Variants in JPH3 observed in about 807,000 individuals in gnomAD.
JPH3 encodes the protein junctophilin 3.
JPH3 carries 11 observed loss-of-function variants against 59.6 expected under a neutral mutation model. The ratio of observed to expected loss-of-function variants is 0.18; its 90% confidence interval spans 0.12 to 0.31. The LOEUF is 0.31. JPH3 is among the 10% of genes least tolerant of loss of function. JPH3 has a pLI of 1.00. For missense variants in JPH3, 1,202 were observed against 1,105.7 expected, an observed-to-expected ratio of 1.09 and a Z score of -1.24; for synonymous variants, 673 against 483.6, an observed-to-expected ratio of 1.39 and a Z score of -5.14.
intron 4 of JPH3, chr16:87,693,734 T>A (rs77525885): frequency 0.14 from 20,947 of 152,332 alleles, 1,626 homozygotes; most frequent in Middle Eastern, 0.21. Flanking sequence ...CAGTGTGAGG[T>A]GAGGCGCTCG....
chr16:87,656,994 GC>G (rs1276059616), intron 2 of JPH3, among the ~76,000 whole-genome samples: 5 of 151,956 alleles, frequency 3.3e-5, no homozygotes, highest in Non-Finnish European at 7.4e-5. Flanking sequence ...TCAGATTAGG[GC>G]CCCACCCATA....
At chr16:87,637,000 G>A (rs560237568) in intron 1 of JPH3, among the ~76,000 whole-genome samples, 1 of 152,336 alleles carries the variant, frequency 6.6e-6, no homozygotes, top group East Asian at 1.9e-4. Context: ...AGCATGACGG[G>A]GGTCAGGCCT....
At chr16:87,648,430 C>T (rs1045877618) in intron 2 of JPH3, among the ~76,000 whole-genome samples, 2 of 152,064 alleles carry the variant, frequency 1.3e-5, no homozygotes, top group East Asian at 1.9e-4. Context: ...TCGAGAGATG[C>T]GAGGGAGTTG....
chr16:87,658,844 G>T (rs2032599070), intron 2 of JPH3, among the ~76,000 whole-genome samples: 1 of 152,218 alleles, frequency 6.6e-6, no homozygotes, highest in Admixed American at 6.5e-5. Flanking sequence ...GGCAGGGGTG[G>T]GTGGCCCCCC....
At chr16:87,690,970 C>A (rs2033554898) in intron 4 of JPH3, among the ~76,000 whole-genome samples, 1 of 152,062 alleles carries the variant, frequency 6.6e-6, no homozygotes, top group Non-Finnish European at 1.5e-5. Flanking sequence ...GGAGTCAGGT[C>A]TGGGGTTGGG....
chr16:87,690,921 G>C (rs976860635), intron 4 of JPH3, among the ~76,000 whole-genome samples: 2 of 152,242 alleles, frequency 1.3e-5, no homozygotes, highest in African/African-American at 4.8e-5. Flanking sequence ...TAGGAACCCA[G>C]AGGCGAAACA....
intron 1 of JPH3, chr16:87,605,006 G>A: frequency 2.2e-6 from 1 of 444,996 alleles, no homozygotes; most frequent in South Asian, 1.6e-5. Flanking sequence ...CGCGCGTGCA[G>A]GCACAGGGAG....
intron 1 of JPH3, among the ~76,000 whole-genome samples, chr16:87,617,735 G>GTGC (rs1567583880): frequency 2.0e-5 from 3 of 152,116 alleles, no homozygotes; most frequent in Non-Finnish European, 4.4e-5. Context: ...GCAGGTGCAG[G>GTGC]AGCTGAGAGT....
In JPH3 at chr16:87,622,736, A is replaced by C. The variant is rs932990245; in HGVS notation, c.382+19208A>C. Among the ~76,000 whole-genome samples the C allele has an allele frequency of 1.3e-4, 15 of 113,488 alleles. No individual in the cohort carries two copies. The East Asian group carries it at 3.7e-3, about 28-fold the overall frequency. 74.5% of individuals were successfully genotyped at this position (113,488 alleles called of 152,430 possible). A position where few individuals can be genotyped will look rare whatever the true frequency, so the allele number is the denominator to read the frequency against. ...GGTCAGGGTCTCCTCCTGATAAATC[A>C]GACCCCCCCCCGCCCCACCCTGCCG... On this transcript the variant is annotated intron_variant, in intron 1 of 4. Coordinates refer to ENST00000284262, the MANE Select transcript of JPH3 (RefSeq NM_020655.4).
At chr16:87,604,457 A>C in intron 1 of JPH3, 1 of 1,374,882 alleles carries the variant, frequency 7.3e-7, no homozygotes, top group Non-Finnish European at 9.6e-7. Flanking sequence ...GCCAGACCCC[A>C]AACAAACTGG....
At chr16:87,661,849 G>A (rs2032714197) in intron 2 of JPH3, among the ~76,000 whole-genome samples, 1 of 152,210 alleles carries the variant, frequency 6.6e-6, no homozygotes, top group Non-Finnish European at 1.5e-5. Context: ...CAATTACGAA[G>A]CCAGGGCCTT....
At chr16:87,630,131 G>A (rs1205741002) in intron 1 of JPH3, among the ~76,000 whole-genome samples, 1 of 152,186 alleles carries the variant, frequency 6.6e-6, no homozygotes. Flanking sequence ...TGTCCCCACA[G>A]CACAGATTGG....
Position 87,690,114 on chromosome 16 carries a change from C to G in JPH3, c.1754C>G (p.Thr585Ser). The G allele has an allele frequency of 6.3e-7, 1 of 1,581,522 alleles. No homozygotes were observed. Among genetic ancestry groups the G allele is most frequent in the Non-Finnish European group, 8.6e-7 (1 of 1,163,942 alleles). The change falls in exon 4 of 5, where the codon ACT (threonine) becomes AGT (serine). Residue 585 changes from threonine to serine, a missense_variant. Transcript: ENST00000284262. ...RTESPPVFTW[T>S]SHHRASNHSP... The stretch of plus-strand genomic sequence containing the variant: ...GAGTCACCCCCCGTGTTCACGTGGA[C>G]TTCCCACCACCGGGCCAGCAACCAC...
At chr16:87,696,288 G>A (rs780888988) in intron 4 of JPH3, 2 of 512,044 alleles carry the variant, frequency 3.9e-6, no homozygotes, top group Non-Finnish European at 7.1e-6. Context: ...CTCTCCAAGG[G>A]GACCCTGGGA....
rs199585851 is a variant in JPH3, at chr16:87,691,091, C to CT, written c.2166+565_2166+566insT. Among the ~76,000 whole-genome samples the CT allele has an allele frequency of 3.3e-5, 5 of 150,048 alleles. No individual in the cohort carries two copies. The East Asian group carries it at 7.8e-4, about 23-fold the overall frequency. ...CACCGTCAGCCTCACCCAGCACCCCCCCCCCAAATTCGTTCCTCCAGGGCA... is the reference window on the plus strand; with the variant it reads ...CACCGTCAGCCTCACCCAGCACCCCCTCCCCCAAATTCGTTCCTCCAGGGCA... On this transcript the variant is annotated intron_variant, in intron 4 of 4. Coordinates refer to ENST00000284262, the MANE Select transcript of JPH3 (RefSeq NM_020655.4).
intron 1 of JPH3, among the ~76,000 whole-genome samples, chr16:87,638,508 A>C (rs2031832877): frequency 6.6e-6 from 1 of 152,124 alleles, no homozygotes. Context: ...GGCGGCCTCA[A>C]GAATTGTGCC....
intron 1 of JPH3, chr16:87,604,303 C>T (rs1567578172): frequency 6.8e-7 from 1 of 1,461,216 alleles, no homozygotes; most frequent in Non-Finnish European, 9.1e-7. Flanking sequence ...GCTGCTGCTG[C>T]TGCTGCTGCT....
At chr16:87,647,864 T>C (rs1254134047) in intron 2 of JPH3, among the ~76,000 whole-genome samples, 1 of 152,208 alleles carries the variant, frequency 6.6e-6, no homozygotes, top group Non-Finnish European at 1.5e-5. Flanking sequence ...AAAGGGGCAC[T>C]AGGAACTGGC....
At chr16:87,604,315 C>CTGCTGCTGCTGCTGCTGCTGT (rs2030415195) in intron 1 of JPH3, 2 of 1,466,912 alleles carry the variant, frequency 1.4e-6, no homozygotes, top group Admixed American at 4.1e-5. Context: ...GCTGCTGCTG[C>CTGCTGCTGCTGCTGCTGCTGT]TGCTGCTGCT....
Sources: gnomAD v4.1 joint callset for allele counts (sites outside exome capture counted in the v4.1 genomes callset) on GRCh38, gnomAD v4.1.1 for gene constraint, MANE v1.5 for transcripts, NCBI Gene and HGNC (gene_info 2026-07-23, HGNC 2026-07-21) for gene names.